CDC27: variants seen among roughly 807,000 people sequenced by gnomAD.
CDC27 encodes the protein cell division cycle protein 27 homolog.
Under a neutral mutation model 109.7 loss-of-function variants are expected in CDC27, and 27 were observed. The ratio of observed to expected loss-of-function variants is 0.25; its 90% confidence interval spans 0.18 to 0.34. The LOEUF (loss-of-function observed/expected upper bound fraction) is 0.34, where lower values mean the gene tolerates loss of function less well. Ranked by LOEUF, CDC27 falls within the 10% of genes least tolerant of loss-of-function variation. The pLI, the probability that CDC27 is intolerant of heterozygous loss-of-function variation, is 1.00. For missense variants in CDC27, 579 were observed against 960.2 expected, an observed-to-expected ratio of 0.60 and a Z score of 5.25; for synonymous variants, 266 against 333.9, an observed-to-expected ratio of 0.80 and a Z score of 2.22.
intron 5 of CDC27, 38 bp downstream of exon 5, chr17:47,158,168 G>T (rs781103968): frequency 1.1e-4 from 95 of 869,314 alleles, no homozygotes; most frequent in Non-Finnish European, 1.5e-4. Flanking sequence ...AAGAAGAGGA[G>T]ATGGGAACCC....
In CDC27 at chr17:47,168,977, CTTTTTCTTTTTT is replaced by C. The variant is rs1371868579; in HGVS notation, c.377+928_377+939del. On this transcript the variant is annotated intron_variant, in intron 4 of 18. Transcript: ENST00000066544. ...ATTCCCATGGGCAGAGTTACTTGTT[CTTTTTCTTTTTT>C]TTTTTCTTTTTTTTTTTTTGGAAAC... Among the ~76,000 whole-genome samples the C allele has an allele frequency of 1.2e-3, 176 of 143,760 alleles. 4 individuals carry two copies. The highest frequency in any genetic ancestry group is 7.1e-4 in the African/African-American group (28 of 39,660). The allele number at this position is 143,760 out of a possible 152,430, so 94.3% of individuals were successfully genotyped here.
At chr17:47,129,258 C>CA in intron 16 of CDC27, 135 bp downstream of exon 16, 9 of 703,770 alleles carry the variant, frequency 1.3e-5, no homozygotes, top group South Asian at 2.2e-5. Flanking sequence ...ATAAAAATCA[C>CA]AAAAAATGAA....
chr17:47,172,278 C>T (rs2148968919), intron 2 of CDC27, among the ~76,000 whole-genome samples: 1 of 152,106 alleles, frequency 6.6e-6, no homozygotes, highest in East Asian at 1.9e-4. Context: ...CTACAAGAAA[C>T]CAAGGAAATA....
At chr17:47,168,016 AAG>A (rs1372188166) in intron 4 of CDC27, among the ~76,000 whole-genome samples, 1 of 152,220 alleles carries the variant, frequency 6.6e-6, no homozygotes, top group East Asian at 1.9e-4. Flanking sequence ...GGCATGGGGA[AAG>A]AGAGGTGCGG....
At chr17:47,149,807 T>C (rs985813813) in intron 9 of CDC27, among the ~76,000 whole-genome samples, 1 of 151,366 alleles carries the variant, frequency 6.6e-6, no homozygotes, top group Non-Finnish European at 1.5e-5. Flanking sequence ...ATACAAAAAT[T>C]AGCCGGGCGT....
chr17:47,174,732 G>T (rs1014776568), intron 2 of CDC27, among the ~76,000 whole-genome samples: 1 of 152,152 alleles, frequency 6.6e-6, no homozygotes, highest in Non-Finnish European at 1.5e-5. Context: ...GAGGCAGGTG[G>T]ATCACCTGAG....
rs377592568 is a variant in CDC27, at chr17:47,132,169, A to G, written c.2031+88T>C. 33 of 689,428 alleles carry G rather than the reference A, an allele frequency of 4.8e-5. No homozygotes were observed. The East Asian group carries it at 5.5e-4, about 12-fold the overall frequency. 42.7% of individuals were successfully genotyped at this position (689,428 alleles called of 1,614,324 possible). ...GAATACTGTTTCAACACAAAAAAGGACCAATTTTTATCACAGCAATTAAAT... is the reference window on the plus strand; with the variant it reads ...GAATACTGTTTCAACACAAAAAAGGGCCAATTTTTATCACAGCAATTAAAT... On this transcript the variant is annotated intron_variant, in intron 15 of 18. Coordinates refer to ENST00000066544, the MANE Select transcript of CDC27 (RefSeq NM_001256.6).
intron 4 of CDC27, among the ~76,000 whole-genome samples, chr17:47,162,430 A>C (rs1172700982): frequency 6.6e-6 from 1 of 152,188 alleles, no homozygotes; most frequent in African/African-American, 2.4e-5. Context: ...AGTGATTATA[A>C]GCTCTCTGAG....
At chr17:47,127,950 G>A (rs1050431636) in intron 16 of CDC27, among the ~76,000 whole-genome samples, 3 of 151,654 alleles carry the variant, frequency 2.0e-5, no homozygotes, top group Non-Finnish European at 4.4e-5. Context: ...CATGTGATCT[G>A]CCTGCCTCTT....
chr17:47,162,219 T>C (rs953794732), intron 4 of CDC27, among the ~76,000 whole-genome samples: 1 of 152,190 alleles, frequency 6.6e-6, no homozygotes, highest in Admixed American at 6.5e-5. Flanking sequence ...CCATAATTCA[T>C]GTACTTTCAT....
chr17:47,128,360 T>C (rs1295242570), intron 16 of CDC27, among the ~76,000 whole-genome samples: 1 of 152,184 alleles, frequency 6.6e-6, no homozygotes. Context: ...TTTTGCTTCA[T>C]GGTTTCTGAT....
chr17:47,159,612 T>C (rs898874651), intron 4 of CDC27: 9 of 461,884 alleles, frequency 1.9e-5, no homozygotes, highest in South Asian at 1.7e-4. Flanking sequence ...AGGATGTTGA[T>C]GGCCCTGCAG....
chr17:47,155,008 C>CA (rs1384211105), intron 7 of CDC27: 1 of 371,548 alleles, frequency 2.7e-6, no homozygotes, highest in African/African-American at 2.1e-5. Flanking sequence ...AACTGAGCAA[C>CA]AATTACTGAT....
In CDC27 at chr17:47,165,739, CT is replaced by C. The variant is rs1262837537; in HGVS notation, c.377+4177del. 7.9e-5 allele frequency among the ~76,000 whole-genome samples: 12 copies of C among 152,216 alleles called. No individual in the cohort carries two copies. In the East Asian group the frequency reaches 2.3e-3, roughly 29 times the overall value. ...ATGTTTAAGAAGTCTTTGCCTAACC[CT>C]AGCTCATAAAGATTTTTTTCTAAAA... On this transcript the variant is annotated intron_variant, in intron 4 of 18. Transcript: ENST00000066544.
intron 9 of CDC27, among the ~76,000 whole-genome samples, chr17:47,149,510 A>C (rs1200467373): frequency 6.6e-4 from 2 of 3,032 alleles, no homozygotes; most frequent in Non-Finnish European, 1.6e-3. Context: ...ACTCTGTCTT[A>C]AAAAAAAAAA....
chr17:47,189,279 G>T lies in CDC27; in HGVS notation c.-107C>A, dbSNP rs1337011888. On this transcript the variant is annotated 5_prime_UTR_variant, in exon 1 of 19. Transcript: ENST00000066544. ...AACTCACCAGCGACCGTTACCGGGGGATGGGGGAGGCCGAGCGATTGCCGA... is the reference window on the plus strand; with the variant it reads ...AACTCACCAGCGACCGTTACCGGGGTATGGGGGAGGCCGAGCGATTGCCGA... 16 of 863,696 alleles carry T rather than the reference G, an allele frequency of 1.9e-5. No individual in the cohort carries two copies. Among genetic ancestry groups the T allele is most frequent in the Non-Finnish European group, 7.8e-6 (4 of 515,810 alleles). 53.5% of individuals were successfully genotyped at this position (863,696 alleles called of 1,614,324 possible).
intron 2 of CDC27, among the ~76,000 whole-genome samples, chr17:47,179,583 T>TA (rs1489593553): frequency 1.3e-5 from 2 of 152,222 alleles, no homozygotes; most frequent in African/African-American, 2.4e-5. Flanking sequence ...ATTAAATACT[T>TA]AGAGTACCTA....
At position 47,122,383 on chromosome 17, in the gene CDC27, T is replaced by C; in HGVS notation, c.2392+61A>G. The C allele has an allele frequency of 2.5e-6, 3 of 1,210,562 alleles. 1 individual carries two copies. Among genetic ancestry groups the C allele is most frequent in the South Asian group, 3.6e-5 (2 of 56,182 alleles). 75.0% of individuals were successfully genotyped at this position (1,210,562 alleles called of 1,614,324 possible). On this transcript the variant is annotated intron_variant, in intron 18 of 18. Coordinates refer to ENST00000066544, the MANE Select transcript of CDC27 (RefSeq NM_001256.6). ...AGAAAAATAAAATAAAAGAGTAGCC[T>C]ACAAATCCTTATGCAAAAGGTAACT... is the stretch of plus-strand genomic sequence containing the variant.
intron 1 of CDC27, 44 bp from the exon 2 acceptor site, chr17:47,181,681 C>A: frequency 1.8e-6 from 2 of 1,096,734 alleles, no homozygotes; most frequent in Non-Finnish European, 2.7e-6. Flanking sequence ...TACATACAGA[C>A]TTTCAAGGTA....
Sources: gnomAD v4.1 joint callset for allele counts (sites outside exome capture counted in the v4.1 genomes callset) on GRCh38, gnomAD v4.1.1 for gene constraint, MANE v1.5 for transcripts, NCBI Gene and HGNC (gene_info 2026-07-23, HGNC 2026-07-21) for gene names.